Variants in MYO1D observed in about 807,000 individuals in gnomAD.
MYO1D encodes myosin ID.
In MYO1D, 83 loss-of-function variants were observed where a neutral mutation model predicts 122.0. The ratio of observed to expected loss-of-function variants is 0.68; its 90% CI spans 0.57 to 0.82. The LOEUF is 0.82. Ranked by LOEUF, MYO1D falls within the 40% of genes least tolerant of loss-of-function variation. The probability of loss-of-function intolerance (pLI) is 0.00; values close to 1 mark genes in which losing one functional copy is unlikely to be tolerated. For synonymous variants in MYO1D, 464 were observed against 446.9 expected (o/e 1.04, Z -0.48); for missense variants, 1,157 against 1,269.5 (o/e 0.91, Z 1.35).
chr17:32,724,365 C>T (rs1422157868), intron 14 of MYO1D, among the ~76,000 whole-genome samples: 1 of 152,132 alleles, frequency 6.6e-6, no homozygotes, highest in Non-Finnish European at 1.5e-5. Context: ...GATACGGGGG[C>T]TTTCTTTGAG....
intron 21 of MYO1D, among the ~76,000 whole-genome samples, chr17:32,524,432 A>AC (rs1252666337): frequency 3.3e-5 from 5 of 152,082 alleles, no homozygotes; most frequent in African/African-American, 1.2e-4. Context: ...ACGCTCTGTC[A>AC]CCCAGGCTGG....
chr17:32,835,673 G>A (rs1217983868), intron 1 of MYO1D, among the ~76,000 whole-genome samples: 1 of 152,110 alleles, frequency 6.6e-6, no homozygotes, highest in Non-Finnish European at 1.5e-5. Flanking sequence ...GTCCTTCTGG[G>A]TCTTTCTTCT....
In MYO1D at chr17:32,620,490, G is replaced by A. The variant is rs556699368; in HGVS notation, c.2710-15249C>T. On this transcript the variant is annotated intron_variant, in intron 20 of 21. Transcript: ENST00000318217. The stretch of plus-strand genomic sequence containing the variant: ...GTGCCTGCTGGTGTTTCTGGATGGC[G>A]GGCTTCTCCAGCAGGCAGTCTGGGA... Among the ~76,000 whole-genome samples, 84 of 152,212 alleles carry A rather than the reference G, an allele frequency of 5.5e-4. 1 individual carries two copies. The highest frequency in any genetic ancestry group is 1.0e-3 in the Non-Finnish European group (68 of 68,012).
chr17:32,650,587 A>G (rs1409611196), intron 19 of MYO1D, among the ~76,000 whole-genome samples: 2 of 151,722 alleles, frequency 1.3e-5, no homozygotes, highest in African/African-American at 4.8e-5. Context: ...TTAGCCTTTT[A>G]TTTTTCTCTC....
At chr17:32,651,883 G>A (rs1269924580) in intron 19 of MYO1D, among the ~76,000 whole-genome samples, 1 of 151,842 alleles carries the variant, frequency 6.6e-6, no homozygotes, top group East Asian at 1.9e-4. Flanking sequence ...TCACCATGTT[G>A]GCCAGGATGG....
intron 1 of MYO1D, among the ~76,000 whole-genome samples, chr17:32,812,386 A>C (rs530437381): frequency 6.6e-6 from 1 of 152,348 alleles, no homozygotes; most frequent in Non-Finnish European, 1.5e-5. Flanking sequence ...CAGTTCTAAG[A>C]GTTTCTCTTC....
chr17:32,591,219 T>G (rs2087435676), intron 21 of MYO1D, among the ~76,000 whole-genome samples: 1 of 152,234 alleles, frequency 6.6e-6, no homozygotes, highest in Admixed American at 6.5e-5. Flanking sequence ...CTGTTACACT[T>G]TAACATTGTT....
chr17:32,687,669 T>C (rs902964005), intron 16 of MYO1D, among the ~76,000 whole-genome samples: 1 of 152,212 alleles, frequency 6.6e-6, no homozygotes, highest in Admixed American at 6.5e-5. Flanking sequence ...TAGGGCCTAC[T>C]GATTACTCCA....
chr17:32,813,582 T>C (rs2090590047), intron 1 of MYO1D, among the ~76,000 whole-genome samples: 1 of 151,968 alleles, frequency 6.6e-6, no homozygotes, highest in African/African-American at 2.4e-5. Context: ...AAAGCATGTT[T>C]AAAGGATGGA....
At chr17:32,787,598 T>C (rs937955330) in intron 1 of MYO1D, among the ~76,000 whole-genome samples, 2 of 152,190 alleles carry the variant, frequency 1.3e-5, no homozygotes, top group African/African-American at 2.4e-5. Context: ...TTTATATTTT[T>C]AGTAGAGACA....
chr17:32,760,320 T>C lies in MYO1D; in HGVS notation c.1266A>G (p.Glu422=), dbSNP rs757455769. The change falls in exon 10 of 22, where the codon GAA becomes GAG. Residue 422 remains glutamate, a synonymous_variant. Coordinates refer to ENST00000318217, the MANE Select transcript of MYO1D (RefSeq NM_015194.3). ...IQLVLKQEQE[E]YQREGIPWKH... The stretch of plus-strand genomic sequence containing the variant: ...TCCAGGGGATCCCTTCCCGCTGGTA[T>C]TCCTCTTGTTCTTGCTTCAGAACCA... 6.2e-7 allele frequency: 1 copy of C among 1,612,004 alleles called. No homozygotes were observed. Among genetic ancestry groups the C allele is most frequent in the Non-Finnish European group, 8.5e-7 (1 of 1,178,390 alleles).
chr17:32,779,023 G>A (rs1363150796), intron 2 of MYO1D, among the ~76,000 whole-genome samples: 1 of 152,020 alleles, frequency 6.6e-6, no homozygotes, highest in Non-Finnish European at 1.5e-5. Context: ...AAAAAATTAA[G>A]GTTAGAGTAA....
intron 19 of MYO1D, among the ~76,000 whole-genome samples, chr17:32,640,762 G>A (rs1318118003): frequency 6.6e-6 from 1 of 151,548 alleles, no homozygotes; most frequent in Non-Finnish European, 1.5e-5. Flanking sequence ...TCTTTATATA[G>A]CAGCATTTTT....
intron 21 of MYO1D, among the ~76,000 whole-genome samples, chr17:32,540,311 C>CAG (rs1185979236): frequency 1.7e-5 from 1 of 60,348 alleles, no homozygotes; most frequent in Non-Finnish European, 2.7e-5. Flanking sequence ...GTCTAGGTGA[C>CAG]AGAGAGAGAC....
chr17:32,626,290 G>A (rs2087927575), intron 20 of MYO1D, among the ~76,000 whole-genome samples: 1 of 152,232 alleles, frequency 6.6e-6, no homozygotes, highest in African/African-American at 2.4e-5. Context: ...CCGCAGCTTA[G>A]TGACATCTAT....
chr17:32,694,183 GCTATAC>G (rs1280770711), intron 16 of MYO1D, among the ~76,000 whole-genome samples: 1 of 152,060 alleles, frequency 6.6e-6, no homozygotes. Context: ...ACACCTTTTT[GCTATAC>G]CTATTTTCAT....
At chr17:32,757,472 G>A (rs2089959925) in intron 10 of MYO1D, among the ~76,000 whole-genome samples, 1 of 152,122 alleles carries the variant, frequency 6.6e-6, no homozygotes, top group African/African-American at 2.4e-5. Context: ...CAAAATCTCA[G>A]TAGTACTGAG....
rs777071781 is a variant in MYO1D, at chr17:32,776,030, CT to C, written c.399-2del. On this transcript the variant is annotated splice_acceptor_variant, in intron 3 of 21. Coordinates refer to ENST00000318217, the MANE Select transcript of MYO1D (RefSeq NM_015194.3). LOFTEE classifies it high-confidence loss of function. ...GGACTTAAGCAACATATTCTTCACT[CT>C]TTAACACAGATAAATGAAAGTCATT... 78 of 1,608,344 alleles carry C rather than the reference CT, an allele frequency of 4.8e-5. No individual in the cohort carries two copies. Among genetic ancestry groups the C allele is most frequent in the Middle Eastern group, 3.3e-4 (2 of 6,050 alleles).
chr17:32,691,228 G>T (rs2089093289), intron 16 of MYO1D, among the ~76,000 whole-genome samples: 1 of 148,774 alleles, frequency 6.7e-6, no homozygotes, highest in African/African-American at 2.5e-5. Context: ...CTGTACTCCA[G>T]CCTGGGTGAC....
Sources: gnomAD v4.1 joint callset for allele counts (sites outside exome capture counted in the v4.1 genomes callset) on GRCh38, gnomAD v4.1.1 for gene constraint, MANE v1.5 for transcripts, NCBI Gene and HGNC (gene_info 2026-07-23, HGNC 2026-07-21) for gene names.